The following FGFR1 variants were observed in gnomAD, a reference collection of about 807,000 sequenced individuals.
FGFR1 encodes fibroblast growth factor receptor 1.
Under a neutral mutation model 93.7 loss-of-function variants are expected in FGFR1, and 18 were observed. The ratio of observed to expected loss-of-function variants is 0.19; its 90% confidence interval spans 0.13 to 0.28. FGFR1 has a LOEUF of 0.28. FGFR1 is among the 10% of genes least tolerant of loss of function. The pLI, the probability that FGFR1 is intolerant of heterozygous loss-of-function variation, is 1.00. For missense variants in FGFR1, 731 were observed against 1,080.4 expected (o/e 0.68, Z 4.53); for synonymous variants, 448 against 429.3 (o/e 1.04, Z -0.54).
At chr8:38,421,572 C>G in intron 8 of FGFR1, 1 of 605,554 alleles carries the variant, frequency 1.7e-6, no homozygotes, top group African/African-American at 1.8e-5. Context: ...AGAGCAGAGG[C>G]AGGTGTACGG....
chr8:38,420,592 CT>C lies in FGFR1; in HGVS notation c.1082-858del, dbSNP rs145816220. On this transcript the variant is annotated intron_variant, in intron 8 of 17. Coordinates refer to ENST00000447712, the MANE Select transcript of FGFR1 (RefSeq NM_023110.3). ...CAGCAGCTAAGCCAGTTCGGTCCAC[CT>C]TTCCCTTCAGCACGAGAGGCTGGGA... Among the ~76,000 whole-genome samples, 658 of 152,258 alleles carry C rather than the reference CT, an allele frequency of 4.3e-3. 7 individuals carry two copies. Among genetic ancestry groups the C allele is most frequent in the African/African-American group, 0.015 (634 of 41,536 alleles).
At chr8:38,417,274 G>T in intron 12 of FGFR1, 32 bp downstream of exon 12, 1 of 1,538,242 alleles carries the variant, frequency 6.5e-7, no homozygotes, top group Non-Finnish European at 9.0e-7. Context: ...TCTCCCCGCT[G>T]GGCAGGGAAA....
chr8:38,450,840 A>G (rs1468990071), intron 2 of FGFR1, among the ~76,000 whole-genome samples: 1 of 152,168 alleles, frequency 6.6e-6, no homozygotes, highest in East Asian at 1.9e-4. Flanking sequence ...AGCAATGCAG[A>G]AGCCGGAGCC....
At chr8:38,445,494 T>G (rs1247094694) in intron 2 of FGFR1, among the ~76,000 whole-genome samples, 1 of 152,124 alleles carries the variant, frequency 6.6e-6, no homozygotes, top group Non-Finnish European at 1.5e-5. Context: ...AAAATAAACA[T>G]CACTTTCAAG....
rs778296146 is a variant in FGFR1, at chr8:38,421,789, G to A, written c.1081+8C>T. 2 of 1,613,810 alleles carry A rather than the reference G, an allele frequency of 1.2e-6. No individual in the cohort carries two copies. Among genetic ancestry groups the A allele is most frequent in the South Asian group, 2.2e-5 (2 of 91,078 alleles). Reference sequence around the variant, plus strand: ...CAGGACATCGAGAGGAGAAGTTACAGTGTGTACCTTCCAGAACGGTCAACC... The same window carrying A: ...CAGGACATCGAGAGGAGAAGTTACAATGTGTACCTTCCAGAACGGTCAACC... On this transcript the variant is annotated splice_region_variant and intron_variant, in intron 8 of 17. Coordinates refer to ENST00000447712, the MANE Select transcript of FGFR1 (RefSeq NM_023110.3).
chr8:38,417,793 G>C, intron 11 of FGFR1, 77 bp downstream of exon 11: 3 of 1,609,214 alleles, frequency 1.9e-6, no homozygotes, highest in Non-Finnish European at 2.6e-6. Flanking sequence ...CAGAGAAGCT[G>C]TTCTGCTGGG....
intron 2 of FGFR1, chr8:38,434,240 T>G (rs927597235): frequency 6.2e-6 from 1 of 161,260 alleles, no homozygotes; most frequent in Non-Finnish European, 1.4e-5. Flanking sequence ...GGTCTTGAAC[T>G]CCTGGACTCA....
intron 2 of FGFR1, among the ~76,000 whole-genome samples, chr8:38,442,394 T>TGTGTGTGTGTGTGTGC (rs1491339303): frequency 6.8e-6 from 1 of 146,954 alleles, no homozygotes; most frequent in Non-Finnish European, 1.5e-5. Context: ...TGTGTGTGTG[T>TGTGTGTGTGTGTGTGC]GCAGGGGTCC....
chr8:38,424,695 C>A lies in FGFR1; in HGVS notation c.750G>T (p.Arg250=). 3.1e-6 allele frequency: 5 copies of A among 1,610,918 alleles called. No homozygotes were observed. The highest frequency in any genetic ancestry group is 1.1e-5 in the South Asian group (1 of 90,984). The part of the protein sequence containing the change: ...NHTYQLDVVE[R]SPHRPILQAG... The stretch of plus-strand genomic sequence containing the variant: ...CTTGCAGGATGGGCCGGTGAGGGGA[C>A]CGCTCTGTGGAAGATGGGAGAGGAG... Residue 250 remains arginine (R), a synonymous_variant, in exon 7 of 18, where the codon CGG becomes CGT. Coordinates refer to ENST00000447712, the MANE Select transcript of FGFR1 (RefSeq NM_023110.3). This position sits in a 1 kb window ranked among gnomAD's most constrained non-coding sequence, Gnocchi z 4.3.
At chr8:38,463,678 T>C (rs1486344057) in intron 1 of FGFR1, among the ~76,000 whole-genome samples, 3 of 152,138 alleles carry the variant, frequency 2.0e-5, no homozygotes, top group African/African-American at 7.2e-5. Flanking sequence ...AGGCTGAGAA[T>C]ATCAGAGAAA....
In FGFR1 at chr8:38,426,076, G is replaced by C. The variant is rs2150854837; in HGVS notation, c.745+46C>G. On this transcript the variant is annotated intron_variant, in intron 6 of 17. Transcript: ENST00000447712. The surrounding 1 kb of genome is among the most constrained non-coding windows in gnomAD (Gnocchi z 4.1). ...ACCCCGGCTGTGTTCTCCAAGCCTG[G>C]CTCTTCCCACTAAACTCATTCCTCC... is the stretch of plus-strand genomic sequence containing the variant. 6.2e-7 allele frequency: 1 copy of C among 1,613,308 alleles called. No individual in the cohort carries two copies. Among genetic ancestry groups the C allele is most frequent in the South Asian group, 1.1e-5 (1 of 91,046 alleles).
intron 1 of FGFR1, among the ~76,000 whole-genome samples, chr8:38,463,943 T>A (rs980105584): frequency 1.1e-4 from 16 of 151,778 alleles, no homozygotes; most frequent in Non-Finnish European, 1.8e-4. Context: ...GTTGGTCCAA[T>A]GGAAATGCTA....
At chr8:38,446,687 G>A (rs1377149570) in intron 2 of FGFR1, among the ~76,000 whole-genome samples, 1 of 152,144 alleles carries the variant, frequency 6.6e-6, no homozygotes, top group African/African-American at 2.4e-5. Context: ...GGGATTACAG[G>A]TGTGAGCCAC....
intron 7 of FGFR1, 27 bp from the exon 8 acceptor site, chr8:38,421,968 G>T (rs1206523155): frequency 1.2e-6 from 2 of 1,613,606 alleles, no homozygotes; most frequent in Admixed American, 1.7e-5. Context: ...AAGCAAAATG[G>T]ACAAGCACAG....
intron 2 of FGFR1, among the ~76,000 whole-genome samples, chr8:38,438,361 G>T (rs1236578131): frequency 6.6e-6 from 1 of 152,028 alleles, no homozygotes; most frequent in Admixed American, 6.5e-5. Context: ...GGCCAACATG[G>T]TGAAACCCTA....
rs1814873645 is a variant in FGFR1, at chr8:38,412,940, CT to C, written c.*687del. The C allele has an allele frequency of 4.3e-6, 1 of 233,376 alleles. No individual in the cohort carries two copies. Among genetic ancestry groups the C allele is most frequent in the Admixed American group, 5.6e-5 (1 of 17,770 alleles). 14.5% of individuals were successfully genotyped at this position (233,376 alleles called of 1,614,324 possible). A position where few individuals can be genotyped will look rare whatever the true frequency, so the allele number is the denominator to read the frequency against. ...GATGGGTAAATCTCTGGTAACGACC[CT>C]TTTAAAAAGACATGTAAATATATAC... On this transcript the variant is annotated 3_prime_UTR_variant, in exon 18 of 18. Transcript: ENST00000447712.
rs531983782 is a variant in FGFR1, at chr8:38,461,056, T to A, written c.-88-3522A>T. On this transcript the variant is annotated intron_variant, in intron 1 of 17. Transcript: ENST00000447712. Reference sequence around the variant, plus strand: ...CGGTGGGGAGCAGAGAGGGGGCACATCTCAGTTTCCCACTCATCAGAGGGG... The same window carrying A: ...CGGTGGGGAGCAGAGAGGGGGCACAACTCAGTTTCCCACTCATCAGAGGGG... 22 of 1,535,808 alleles carry A rather than the reference T, an allele frequency of 1.4e-5. No individual in the cohort carries two copies. The African/African-American group carries it at 2.9e-4, about 20-fold the overall frequency.
In FGFR1 at chr8:38,429,538, G is replaced by T; in HGVS notation, c.358+144C>A. ...AGAGCCAAGCCACGCGGCAGGCAGG[G>T]AGCAATGTTAGTGGGCAGCAGTTTC... On this transcript the variant is annotated intron_variant, in intron 3 of 17. Transcript: ENST00000447712. This position sits in a 1 kb window ranked among gnomAD's most constrained non-coding sequence, Gnocchi z 4.4. 2.1e-6 allele frequency: 2 copies of T among 966,936 alleles called. No homozygotes were observed. The highest frequency in any genetic ancestry group is 1.6e-6 in the Non-Finnish European group (1 of 637,638). The allele number at this position is 966,936 out of a possible 1,614,324, so 59.9% of individuals were successfully genotyped here. A position where few individuals can be genotyped will look rare whatever the true frequency, so the allele number is the denominator to read the frequency against.
intron 1 of FGFR1, among the ~76,000 whole-genome samples, chr8:38,462,665 G>A (rs1834666218): frequency 1.3e-5 from 2 of 151,400 alleles, no homozygotes. Context: ...TCAGGCTGGA[G>A]TTGCAGTGGC....
Sources: gnomAD v4.1 joint callset for allele counts (sites outside exome capture counted in the v4.1 genomes callset) on GRCh38, gnomAD v4.1.1 for gene constraint, Gnocchi (gnomAD v3.1) non-coding constraint, MANE v1.5 for transcripts, NCBI Gene and HGNC (gene_info 2026-07-23, HGNC 2026-07-21) for gene names.